Variants in KATNIP observed in about 807,000 individuals in gnomAD.
The protein encoded by KATNIP is katanin-interacting protein.
A neutral mutation model predicts 174.0 loss-of-function variants in KATNIP; 126 were observed. That is an observed-to-expected ratio of 0.72 (90% CI 0.63 to 0.84). The LOEUF is 0.84. Among genes scored for constraint, KATNIP ranks in the 40% least tolerant of loss-of-function variants. The pLI is 0.00. For synonymous variants in KATNIP, 810 were observed against 835.7 expected (o/e 0.97, Z 0.53); for missense variants, 1,958 against 2,109.7 (o/e 0.93, Z 1.41).
rs1224026683 is a variant in KATNIP at position 27,777,350 on chromosome 16, T to G, written c.4552-260T>G. On this transcript the variant is annotated intron_variant, in intron 25 of 27. Transcript: ENST00000261588. This position sits in a 1 kb window ranked among gnomAD's most constrained non-coding sequence, Gnocchi z 4.4. ...CCAGAGACCCAAGTTTGCCTCCAGC[T>G]CTGCCACTTGTGCTAATGGTATTAA... Among the ~76,000 whole-genome samples, 1 of 152,224 alleles carries G rather than the reference T, an allele frequency of 6.6e-6. No homozygotes were observed. The highest frequency in any genetic ancestry group is 1.9e-4 in the East Asian group (1 of 5,198).
chr16:27,771,483 CG>C, intron 21 of KATNIP, 104 bp from the exon 22 acceptor site: 1 of 1,081,020 alleles, frequency 9.3e-7, no homozygotes, highest in Admixed American at 2.0e-5. Flanking sequence ...TCCTAGGGAA[CG>C]CTAAACTGCC....
intron 3 of KATNIP, among the ~76,000 whole-genome samples, chr16:27,627,864 G>T (rs2076380115): frequency 6.6e-6 from 1 of 152,130 alleles, no homozygotes; most frequent in South Asian, 2.1e-4. Context: ...GGCGTCCAAT[G>T]GAAGCAGTTC....
At chr16:27,745,957 CTTTTT>C (rs759181249) in intron 15 of KATNIP, among the ~76,000 whole-genome samples, 22 of 92,094 alleles carry the variant, frequency 2.4e-4, no homozygotes, top group Non-Finnish European at 4.2e-4. Context: ...AACTCCTCTG[CTTTTT>C]TTTTTTTTTT....
Position 27,761,583 on chromosome 16 carries a change from C to T in KATNIP, c.3802C>T (p.Leu1268=). Residue 1268 remains leucine, a synonymous_variant, in exon 19 of 28, where the codon CTG becomes TTG. Transcript: ENST00000261588. ...CGAGTACTCTGACGACTCCCGGGCCCTGGACAAGTAAGTGTCTATCAGAAG... is the reference window on the plus strand; with the variant it reads ...CGAGTACTCTGACGACTCCCGGGCCTTGGACAAGTAAGTGTCTATCAGAAG... ...LPEYSDDSRA[L]DKLIDGTNIT... is the part of the protein sequence containing the mutation. The T allele has an allele frequency of 1.2e-6, 2 of 1,613,108 alleles. No individual in the cohort carries two copies. The highest frequency in any genetic ancestry group is 1.7e-6 in the Non-Finnish European group (2 of 1,179,276).
chr16:27,748,928 G>A (rs142693322), intron 15 of KATNIP, among the ~76,000 whole-genome samples: 8 of 152,218 alleles, frequency 5.3e-5, no homozygotes, highest in South Asian at 2.1e-4. Flanking sequence ...CATGTCACCC[G>A]TACCAGGATA....
chr16:27,722,599 C>T (rs1245835825), intron 14 of KATNIP, among the ~76,000 whole-genome samples: 1 of 152,214 alleles, frequency 6.6e-6, no homozygotes. Flanking sequence ...AAGAGTTGTA[C>T]TTTCCTTTCA....
chr16:27,551,885 C>A (rs934664302), intron 1 of KATNIP, among the ~76,000 whole-genome samples: 6 of 151,432 alleles, frequency 4.0e-5, no homozygotes, highest in African/African-American at 1.5e-4. Flanking sequence ...AATAATTGGC[C>A]AGGTGCAGTG....
intron 13 of KATNIP, among the ~76,000 whole-genome samples, chr16:27,719,113 G>A (rs2080093007): frequency 6.6e-6 from 1 of 152,182 alleles, no homozygotes; most frequent in African/African-American, 2.4e-5. Flanking sequence ...TTGGCAGATG[G>A]GACTTGCTGC....
chr16:27,702,662 T>C (rs536011080), intron 11 of KATNIP, among the ~76,000 whole-genome samples: 27 of 152,254 alleles, frequency 1.8e-4, no homozygotes, highest in Non-Finnish European at 3.4e-4. Flanking sequence ...AAGGGGGTGG[T>C]CGTTTTTCTG....
chr16:27,560,511 C>G (rs1017199067), intron 1 of KATNIP, among the ~76,000 whole-genome samples: 1 of 152,128 alleles, frequency 6.6e-6, no homozygotes. Context: ...TATTGGCCTC[C>G]TTTGCAGGCA....
chr16:27,582,410 A>G (rs2090733821), intron 2 of KATNIP, among the ~76,000 whole-genome samples: 1 of 152,218 alleles, frequency 6.6e-6, no homozygotes, highest in Non-Finnish European at 1.5e-5. Context: ...CTGGGCAGAG[A>G]AGAACAAAAT....
chr16:27,551,741 G>T (rs972483337), intron 1 of KATNIP, among the ~76,000 whole-genome samples: 1 of 151,506 alleles, frequency 6.6e-6, no homozygotes, highest in Non-Finnish European at 1.5e-5. Context: ...GCCGGACGTG[G>T]TGACACATGT....
At chr16:27,706,342 G>C (rs2079302067) in intron 12 of KATNIP, among the ~76,000 whole-genome samples, 1 of 152,204 alleles carries the variant, frequency 6.6e-6, no homozygotes, top group Non-Finnish European at 1.5e-5. Flanking sequence ...TCACTGAGCT[G>C]CTCCCTTCTG....
chr16:27,746,386 C>T (rs879924913), intron 15 of KATNIP, among the ~76,000 whole-genome samples: 1 of 152,178 alleles, frequency 6.6e-6, no homozygotes, highest in Admixed American at 6.5e-5. Context: ...TGTTAAGCCT[C>T]GTGCCTGAGG....
rs2078680421 is a variant in KATNIP at position 27,690,360 on chromosome 16, AG to A, written c.941-7967del. 9.8e-5 allele frequency among the ~76,000 whole-genome samples: 10 copies of A among 101,802 alleles called. No individual in the cohort carries two copies. In the Admixed American group the frequency reaches 1.0e-3, roughly 11 times the overall value. 66.8% of individuals were successfully genotyped at this position (101,802 alleles called of 152,430 possible). On this transcript the variant is annotated intron_variant, in intron 8 of 27. Coordinates refer to ENST00000261588, the MANE Select transcript of KATNIP (RefSeq NM_015202.5). ...TAGATAGATAGATAGATAGATAGAT[AG>A]ATGATAGATAGATAGATAGATAGAT...
At chr16:27,664,501 C>A (rs1266603596) in intron 6 of KATNIP, among the ~76,000 whole-genome samples, 4 of 152,216 alleles carry the variant, frequency 2.6e-5, no homozygotes, top group Non-Finnish European at 5.9e-5. Context: ...TCTCACACCA[C>A]ACCCATAGGT....
chr16:27,583,855 C>T (rs777950707), intron 2 of KATNIP, among the ~76,000 whole-genome samples: 13 of 152,150 alleles, frequency 8.5e-5, no homozygotes, highest in Non-Finnish European at 1.6e-4. Flanking sequence ...CTGACTTAGT[C>T]CCTCTTGACT....
chr16:27,638,692 A>G (rs947451227), intron 5 of KATNIP, among the ~76,000 whole-genome samples: 2 of 152,098 alleles, frequency 1.3e-5, no homozygotes, highest in Non-Finnish European at 2.9e-5. Flanking sequence ...GTGTATTCAC[A>G]TTGGTCAGCA....
chr16:27,659,512 CAA>C (rs151176449), intron 6 of KATNIP, among the ~76,000 whole-genome samples: 11 of 82,676 alleles, frequency 1.3e-4, no homozygotes, highest in East Asian at 1.2e-3. Flanking sequence ...CCTGTCTATA[CAA>C]AAAAAAAAAA....
Sources: allele counts gnomAD v4.1 joint callset (sites outside exome capture counted in the v4.1 genomes callset), GRCh38; gene constraint gnomAD v4.1.1; non-coding constraint Gnocchi (gnomAD v3.1); transcripts MANE v1.5; gene names NCBI Gene and HGNC (gene_info 2026-07-23, HGNC 2026-07-21).